PCDHGA5: variants seen among roughly 807,000 people sequenced by gnomAD.
PCDHGA5 encodes the protein protocadherin gamma subfamily A, 5, also known as protocadherin gamma-A5.
Under a neutral mutation model 56.7 loss-of-function variants are expected in PCDHGA5, and 36 were observed. The ratio of observed to expected loss-of-function variants is 0.64; its 90% CI spans 0.49 to 0.84. The LOEUF (loss-of-function observed/expected upper bound fraction) is 0.84, where lower values mean the gene tolerates loss of function less well. PCDHGA5 is among the 40% of genes least tolerant of loss of function. The pLI, the probability that PCDHGA5 is intolerant of heterozygous loss-of-function variation, is 0.00. For synonymous variants in PCDHGA5, 563 were observed against 520.2 expected, an observed-to-expected ratio of 1.08 and a Z score of -1.12; for missense variants, 1,305 against 1,201.5, an observed-to-expected ratio of 1.09 and a Z score of -1.27.
chr5:141,444,463 G>A (rs570185430), intron 1 of PCDHGA5, among the ~76,000 whole-genome samples: 10 of 152,026 alleles, frequency 6.6e-5, no homozygotes, highest in Admixed American at 1.3e-4. Context: ...GAGTCACTGC[G>A]CCCGGTCGCG....
intron 1 of PCDHGA5, chr5:141,418,214 G>A: frequency 6.2e-7 from 1 of 1,614,064 alleles, no homozygotes; most frequent in Non-Finnish European, 8.5e-7. Flanking sequence ...TATTTTTCAT[G>A]TCATTGTGGT....
rs1015619417 is a variant in PCDHGA5 at position 141,455,526 on chromosome 5, C to T, written c.2422-39281C>T. Among the ~76,000 whole-genome samples the T allele has an allele frequency of 2.0e-5, 3 of 152,106 alleles. 1 individual carries two copies. Among genetic ancestry groups the T allele is most frequent in the South Asian group, 4.1e-4 (2 of 4,826 alleles). ...CATAGGGCTCAGGGGATTGGTTTGA[C>T]CAGGCATATCATTCACGTAGCCCGA... On this transcript the variant is annotated intron_variant, in intron 1 of 3. Coordinates refer to ENST00000518069, the MANE Select transcript of PCDHGA5 (RefSeq NM_018918.3).
intron 1 of PCDHGA5, chr5:141,422,710 G>T: frequency 6.2e-7 from 1 of 1,603,486 alleles, no homozygotes; most frequent in African/African-American, 1.3e-5. Context: ...TCTGACGGAT[G>T]ACACTGTCCA....
At chr5:141,392,893 G>A (rs1281523592) in intron 1 of PCDHGA5, 10 of 1,613,662 alleles carry the variant, frequency 6.2e-6, no homozygotes, top group African/African-American at 2.7e-5. Flanking sequence ...TGGGAAATCG[G>A]GAGGGGACAG....
rs574393099 is a variant in PCDHGA5 at position 141,372,200 on chromosome 5, C to T, written c.2421+5449C>T. On this transcript the variant is annotated intron_variant, in intron 1 of 3. Transcript: ENST00000518069. ...TGGACGCAGACTCGGGATACAACGC[C>T]TGGCTGTCCTACCACATTGTGCAGG... The T allele has an allele frequency of 2.0e-5, 32 of 1,613,598 alleles. No individual in the cohort carries two copies. The South Asian group carries it at 3.4e-4, about 17-fold the overall frequency.
chr5:141,508,479 T>G (rs1361434920), intron 3 of PCDHGA5, among the ~76,000 whole-genome samples: 1 of 152,152 alleles, frequency 6.6e-6, no homozygotes, highest in Non-Finnish European at 1.5e-5. Flanking sequence ...TCTTTTACAT[T>G]CTGGATTTCC....
chr5:141,432,362 C>T lies in PCDHGA5; in HGVS notation c.2422-62445C>T. On this transcript the variant is annotated intron_variant, in intron 1 of 3. Transcript: ENST00000518069. The surrounding 1 kb of genome is among the most constrained non-coding windows in gnomAD (Gnocchi z 6.0). ...AGACTTGCAAGTGAAAGTGATGGCG[C>T]GGGACAACGGGCACCCGCCCCTCAG... 2 of 1,614,218 alleles carry T rather than the reference C, an allele frequency of 1.2e-6. No homozygotes were observed. Among genetic ancestry groups the T allele is most frequent in the South Asian group, 2.2e-5 (2 of 91,082 alleles).
At position 141,431,035 on chromosome 5, in the gene PCDHGA5, G is replaced by C; in HGVS notation, c.2422-63772G>C. The C allele has an allele frequency of 6.2e-7, 1 of 1,614,186 alleles. No individual in the cohort carries two copies. Among genetic ancestry groups the C allele is most frequent in the South Asian group, 1.1e-5 (1 of 91,086 alleles). ...TGGTCACGGCGGGCAGGATAGACCG[G>C]GAGGAGCTCTGTATGGGGGCCATCA... On this transcript the variant is annotated intron_variant, in intron 1 of 3. Transcript: ENST00000518069. The surrounding 1 kb of genome is among the most constrained non-coding windows in gnomAD (Gnocchi z 4.8).
At chr5:141,404,906 C>T (rs776779922) in intron 1 of PCDHGA5, 7 of 1,613,864 alleles carry the variant, frequency 4.3e-6, no homozygotes, top group Non-Finnish European at 5.1e-6. Context: ...CCATGGCCAG[C>T]CCCCTCTCTC....
intron 1 of PCDHGA5, chr5:141,419,306 C>A: frequency 1.9e-6 from 3 of 1,614,032 alleles, no homozygotes; most frequent in Non-Finnish European, 2.5e-6. Context: ...AGACTTCGGG[C>A]TCAACGGCCG....
At chr5:141,366,995 A>T in intron 1 of PCDHGA5, 2 of 462,060 alleles carry the variant, frequency 4.3e-6, no homozygotes, top group Non-Finnish European at 3.7e-6. Context: ...GGTTAAATAT[A>T]ATCATTTTAC....
At chr5:141,398,356 G>A (rs1242233046) in intron 1 of PCDHGA5, 2 of 1,409,378 alleles carry the variant, frequency 1.4e-6, no homozygotes, top group South Asian at 1.2e-5. Context: ...TTACTTCACC[G>A]TGAGCGCAGA....
chr5:141,503,763 T>C (rs1014883264), intron 2 of PCDHGA5, among the ~76,000 whole-genome samples: 1 of 152,174 alleles, frequency 6.6e-6, no homozygotes, highest in Non-Finnish European at 1.5e-5. Context: ...ATGGCAGCCT[T>C]GTGTCTGTTC....
chr5:141,366,040 C>G lies in PCDHGA5; in HGVS notation c.1710C>G (p.Asp570Glu), dbSNP rs752624619. ...PEILYPALPT[D>E]GSTGVELAPR... is the part of the protein sequence containing the mutation. ...TCCTGTACCCCGCCCTCCCCACAGACGGTTCCACGGGCGTGGAGCTGGCGC... is the reference window on the plus strand; with the variant it reads ...TCCTGTACCCCGCCCTCCCCACAGAGGGTTCCACGGGCGTGGAGCTGGCGC... Residue 570 changes from aspartate (D) to glutamate (E), a missense_variant, in exon 1 of 4, where the codon GAC (aspartate) becomes GAG (glutamate). Physicochemically the swap from Asp to Glu is conservative, Grantham distance 45. Coordinates refer to ENST00000518069, the MANE Select transcript of PCDHGA5 (RefSeq NM_018918.3). 6.2e-7 allele frequency: 1 copy of G among 1,614,264 alleles called. No homozygotes were observed. Among genetic ancestry groups the G allele is most frequent in the Non-Finnish European group, 8.5e-7 (1 of 1,180,046 alleles).
intron 1 of PCDHGA5, chr5:141,378,052 C>A (rs75561194): frequency 5.8e-4 from 88 of 152,282 alleles, no homozygotes; most frequent in African/African-American, 2.0e-3. Context: ...CCTTATCTAT[C>A]TGACTCAAAT....
chr5:141,374,029 A>C (rs1460112886), intron 1 of PCDHGA5: 3 of 1,428,780 alleles, frequency 2.1e-6, no homozygotes. Flanking sequence ...AGCAAAAGTG[A>C]TGCAGATCTG....
chr5:141,383,931 T>C lies in PCDHGA5; in HGVS notation c.2421+17180T>C, dbSNP rs1017184990. ...CAGTTTTAGATGTAAATGATAATGC[T>C]CCAGAAGTGACTATGACGTCTTTAA... On this transcript the variant is annotated intron_variant, in intron 1 of 3. Transcript: ENST00000518069. 2.5e-6 allele frequency: 4 copies of C among 1,613,818 alleles called. No homozygotes were observed. In the South Asian group the frequency reaches 4.4e-5, roughly 18 times the overall value.
chr5:141,403,671 C>T (rs1322750068), intron 1 of PCDHGA5: 3 of 1,613,786 alleles, frequency 1.9e-6, no homozygotes, highest in African/African-American at 1.3e-5. Flanking sequence ...GATAATGCCC[C>T]GGTTTTTGCT....
intron 2 of PCDHGA5, among the ~76,000 whole-genome samples, chr5:141,501,761 G>C (rs906778888): frequency 2.6e-5 from 4 of 152,090 alleles, no homozygotes; most frequent in African/African-American, 4.8e-5. Flanking sequence ...CTCAGTAAAT[G>C]GTTAAAAAAG....
Sources: gnomAD v4.1 joint callset for allele counts (sites outside exome capture counted in the v4.1 genomes callset) on GRCh38, gnomAD v4.1.1 for gene constraint, Gnocchi (gnomAD v3.1) non-coding constraint, MANE v1.5 for transcripts, NCBI Gene and HGNC (gene_info 2026-07-23, HGNC 2026-07-21) for gene names.